ANKRD46: variants seen among roughly 807,000 people sequenced by gnomAD.
ANKRD46 encodes ankyrin repeat domain 46.
Under a neutral mutation model 19.8 loss-of-function variants are expected in ANKRD46, and 13 were observed. The observed-to-expected ratio is 0.66, with a 90% confidence interval of 0.43 to 1.04. The LOEUF (loss-of-function observed/expected upper bound fraction) is 1.04, where lower values mean the gene tolerates loss of function less well. ANKRD46 is among the 50% of genes least tolerant of loss of function. The pLI, the probability that ANKRD46 is intolerant of heterozygous loss-of-function variation, is 0.00. For synonymous variants in ANKRD46, 91 were observed against 106.9 expected (o/e 0.85, Z 0.92); for missense variants, 185 against 274.8 (o/e 0.67, Z 2.31).
chr8:100,510,697 G>T lies in ANKRD46; in HGVS notation c.637-58C>A. 1 of 1,422,282 alleles carries T rather than the reference G, an allele frequency of 7.0e-7. No homozygotes were observed. The highest frequency in any genetic ancestry group is 9.5e-7 in the Non-Finnish European group (1 of 1,051,610). The allele number at this position is 1,422,282 out of a possible 1,614,324, so 88.1% of individuals were successfully genotyped here. A position where few individuals can be genotyped will look rare whatever the true frequency, so the allele number is the denominator to read the frequency against. On this transcript the variant is annotated intron_variant, in intron 5 of 5. Transcript: ENST00000520552. This position sits in a 1 kb window ranked among gnomAD's most constrained non-coding sequence, Gnocchi z 4.9. ...AAAAAAATCCCAGTTCTGTTAAGCT[G>T]CAGAGATGTGCCAGGACCAGATACA...
chr8:100,521,824 T>G lies in ANKRD46; in HGVS notation c.*731A>C. 1.0e-6 allele frequency: 1 copy of G among 985,296 alleles called. No individual in the cohort carries two copies. Among genetic ancestry groups the G allele is most frequent in the Middle Eastern group, 5.2e-4 (1 of 1,912 alleles). 61.0% of individuals were successfully genotyped at this position (985,296 alleles called of 1,614,324 possible). A position where few individuals can be genotyped will look rare whatever the true frequency, so the allele number is the denominator to read the frequency against. The stretch of plus-strand genomic sequence containing the variant: ...CTGATGAACTGTTATCTTTGATGAC[T>G]AGGATACTCGGGAAAATTGGAAAGT... On this transcript the variant is annotated 3_prime_UTR_variant, in exon 5 of 5. Transcript: ENST00000335659.
rs1440286303 is a variant in ANKRD46, at chr8:100,511,215, T to C, written c.637-576A>G. Reference sequence around the variant, plus strand: ...GTCAGGAATATCCCCATTGAACAGATGGTGTACCTAAGGCTAGGGGAGCAG... The same window carrying C: ...GTCAGGAATATCCCCATTGAACAGACGGTGTACCTAAGGCTAGGGGAGCAG... On this transcript the variant is annotated intron_variant, in intron 5 of 5. Transcript: ENST00000520552. The surrounding 1 kb of genome is among the most constrained non-coding windows in gnomAD (Gnocchi z 4.1). Among the ~76,000 whole-genome samples the C allele has an allele frequency of 6.6e-6, 1 of 152,168 alleles. No individual in the cohort carries two copies. Among genetic ancestry groups the C allele is most frequent in the Non-Finnish European group, 1.5e-5 (1 of 68,020 alleles).
chr8:100,514,199 T>C (rs1449539507), intron 5 of ANKRD46, among the ~76,000 whole-genome samples: 1 of 152,124 alleles, frequency 6.6e-6, no homozygotes, highest in African/African-American at 2.4e-5. Flanking sequence ...TAGGGACACA[T>C]AAAAACACAA....
At chr8:100,530,389 A>AT (rs11397608) in intron 2 of ANKRD46, among the ~76,000 whole-genome samples, 115,082 of 149,336 alleles carry the variant, frequency 0.77, 44,761 homozygotes, top group Middle Eastern at 0.84. Flanking sequence ...TTATAGCACA[A>AT]TTTTTTTTTT....
rs1811712395 is a variant in ANKRD46 at position 100,520,915 on chromosome 8, G to A, written c.*1640C>T. ...ACATTTTGACCAATTTTGCATATTTGTTTAGATTTACAAACAAATGTAAAG... is the reference window on the plus strand; with the variant it reads ...ACATTTTGACCAATTTTGCATATTTATTTAGATTTACAAACAAATGTAAAG... On this transcript the variant is annotated 3_prime_UTR_variant, in exon 5 of 5. Coordinates refer to ENST00000335659, the MANE Select transcript of ANKRD46 (RefSeq NM_001270377.2). 27 of 984,540 alleles carry A rather than the reference G, an allele frequency of 2.7e-5. No homozygotes were observed. The highest frequency in any genetic ancestry group is 3.3e-5 in the Non-Finnish European group (27 of 829,378). The allele number at this position is 984,540 out of a possible 1,614,324, so 61.0% of individuals were successfully genotyped here.
In ANKRD46 at chr8:100,534,319, C is replaced by T. The variant is rs1355111452; in HGVS notation, c.-130-1008G>A. Among the ~76,000 whole-genome samples, 1 of 152,234 alleles carries T rather than the reference C, an allele frequency of 6.6e-6. No individual in the cohort carries two copies. The highest frequency in any genetic ancestry group is 2.4e-5 in the African/African-American group (1 of 41,458). On this transcript the variant is annotated intron_variant, in intron 1 of 4. Coordinates refer to ENST00000335659, the MANE Select transcript of ANKRD46 (RefSeq NM_001270377.2). The surrounding 1 kb of genome is among the most constrained non-coding windows in gnomAD (Gnocchi z 4.2). ...GGAACTGATGACAATAGCTGACAAA[C>T]TGTACCTGAGGACCAGTCCCACACG...
rs142075474 is a variant in ANKRD46, at chr8:100,530,114, G to C, written c.-27-254C>G. 1.1e-4 allele frequency among the ~76,000 whole-genome samples: 17 copies of C among 152,226 alleles called. No homozygotes were observed. The East Asian group carries it at 3.3e-3, about 29-fold the overall frequency. ...TATTTTGCTTTTCACCATGTAAAAAGATTAAGAGATATTTTTAAAGTTAAG... is the reference window on the plus strand; with the variant it reads ...TATTTTGCTTTTCACCATGTAAAAACATTAAGAGATATTTTTAAAGTTAAG... On this transcript the variant is annotated intron_variant, in intron 2 of 4. Coordinates refer to ENST00000335659, the MANE Select transcript of ANKRD46 (RefSeq NM_001270377.2).
chr8:100,514,337 T>C (rs1811593953), intron 5 of ANKRD46, among the ~76,000 whole-genome samples: 3 of 152,160 alleles, frequency 2.0e-5, no homozygotes, highest in Non-Finnish European at 2.9e-5. Flanking sequence ...CAAACATTAA[T>C]TTGTAATGAT....
chr8:100,547,323 G>A (rs1460160420), intron 1 of ANKRD46, among the ~76,000 whole-genome samples: 4 of 152,110 alleles, frequency 2.6e-5, no homozygotes, highest in Admixed American at 6.5e-5. Flanking sequence ...TACTGAAGGA[G>A]TTCTCATGAG....
chr8:100,553,127 T>C (rs905219563), intron 1 of ANKRD46, among the ~76,000 whole-genome samples: 1 of 152,244 alleles, frequency 6.6e-6, no homozygotes, highest in Non-Finnish European at 1.5e-5. Context: ...TGGTAAATTC[T>C]AGAACTGACC....
Position 100,543,310 on chromosome 8 carries a change from T to C in ANKRD46, c.-130-9999A>G, listed in dbSNP as rs1250993264. ...ACAAACCTTATTTTCGTTTTAATTC[T>C]TATTCTCAATCTCAAAACCATTTAA... On this transcript the variant is annotated intron_variant, in intron 1 of 4. Coordinates refer to ENST00000335659, the MANE Select transcript of ANKRD46 (RefSeq NM_001270377.2). This position sits in a 1 kb window ranked among gnomAD's most constrained non-coding sequence, Gnocchi z 4.2. Among the ~76,000 whole-genome samples, 2 of 152,260 alleles carry C rather than the reference T, an allele frequency of 1.3e-5. No individual in the cohort carries two copies. The highest frequency in any genetic ancestry group is 4.8e-5 in the African/African-American group (2 of 41,472).
At chr8:100,528,345 A>G (rs944602721) in intron 3 of ANKRD46, among the ~76,000 whole-genome samples, 1 of 152,226 alleles carries the variant, frequency 6.6e-6, no homozygotes. Context: ...AGATTATGGT[A>G]GAAGTAATAG....
rs1170896228 is a variant in ANKRD46 at position 100,546,470 on chromosome 8, C to T, written c.-130-13159G>A. On this transcript the variant is annotated intron_variant, in intron 1 of 4. Transcript: ENST00000335659. This position sits in a 1 kb window ranked among gnomAD's most constrained non-coding sequence, Gnocchi z 4.0. ...ATGTGGTGTTGGGCCTGTAGGTGTG[C>T]AGAAGACAGGAGTTGAGCTTTGGGA... Among the ~76,000 whole-genome samples, 1 of 152,234 alleles carries T rather than the reference C, an allele frequency of 6.6e-6. No homozygotes were observed. Among genetic ancestry groups the T allele is most frequent in the Non-Finnish European group, 1.5e-5 (1 of 68,042 alleles).
chr8:100,531,751 C>G (rs779254254), intron 2 of ANKRD46, among the ~76,000 whole-genome samples: 21 of 152,220 alleles, frequency 1.4e-4, no homozygotes, highest in South Asian at 8.3e-4. Context: ...TCAAGCAATC[C>G]TCCCACATCA....
rs967436778 is a variant in ANKRD46, at chr8:100,522,218, A to T, written c.*337T>A. 38 of 1,065,494 alleles carry T rather than the reference A, an allele frequency of 3.6e-5. No homozygotes were observed. The highest frequency in any genetic ancestry group is 4.3e-5 in the Non-Finnish European group (38 of 879,082). The allele number at this position is 1,065,494 out of a possible 1,614,324, so 66.0% of individuals were successfully genotyped here. ...TTTTGAATACTTCAATTGGTCCTAT[A>T]TTAGGATAAGGTTTTGATAGCAAGG... On this transcript the variant is annotated 3_prime_UTR_variant, in exon 5 of 5. Coordinates refer to ENST00000335659, the MANE Select transcript of ANKRD46 (RefSeq NM_001270377.2).
chr8:100,511,992 T>C lies in ANKRD46; in HGVS notation c.637-1353A>G, dbSNP rs975616708. Among the ~76,000 whole-genome samples, 4 of 152,194 alleles carry C rather than the reference T, an allele frequency of 2.6e-5. No individual in the cohort carries two copies. Among genetic ancestry groups the C allele is most frequent in the African/African-American group, 9.7e-5 (4 of 41,436 alleles). On this transcript the variant is annotated intron_variant, in intron 5 of 5. Transcript: ENST00000520552. This position sits in a 1 kb window ranked among gnomAD's most constrained non-coding sequence, Gnocchi z 4.1. The stretch of plus-strand genomic sequence containing the variant: ...GTGAGCCGAGATTGTGCCACTGCAC[T>C]TCAGCCTGGGTGACACAGTGAGACT...
chr8:100,525,437 T>G lies in ANKRD46; in HGVS notation c.470+2408A>C, dbSNP rs989591413. Among the ~76,000 whole-genome samples the G allele has an allele frequency of 1.2e-4, 18 of 152,206 alleles. No homozygotes were observed. Among genetic ancestry groups the G allele is most frequent in the African/African-American group, 4.1e-4 (17 of 41,460 alleles). On this transcript the variant is annotated intron_variant, in intron 4 of 4. Coordinates refer to ENST00000335659, the MANE Select transcript of ANKRD46 (RefSeq NM_001270377.2). The surrounding 1 kb of genome is among the most constrained non-coding windows in gnomAD (Gnocchi z 4.4). ...CCCCTTCTCCCAGCTTCTAGTCTAC[T>G]TTCTCATCTACTTTCTGTCTCTATG...
In ANKRD46 at chr8:100,522,227, AG is replaced by A; in HGVS notation, c.*327del. ...CTTCAATTGGTCCTATATTAGGATAAGGTTTTGATAGCAAGGACTTCCTAGC... is the reference window on the plus strand; with the variant it reads ...CTTCAATTGGTCCTATATTAGGATAAGTTTTGATAGCAAGGACTTCCTAGC... On this transcript the variant is annotated 3_prime_UTR_variant, in exon 5 of 5. Transcript: ENST00000335659. The A allele has an allele frequency of 9.2e-7, 1 of 1,085,264 alleles. No homozygotes were observed. The highest frequency in any genetic ancestry group is 1.1e-6 in the Non-Finnish European group (1 of 891,360). 67.2% of individuals were successfully genotyped at this position (1,085,264 alleles called of 1,614,324 possible).
At chr8:100,558,867 T>C (rs1373462016) in intron 1 of ANKRD46, among the ~76,000 whole-genome samples, 4 of 152,140 alleles carry the variant, frequency 2.6e-5, no homozygotes, top group African/African-American at 9.7e-5. Flanking sequence ...GTACCAGGTA[T>C]TTAAAGCAAT....
Sources: allele counts gnomAD v4.1 joint callset (sites outside exome capture counted in the v4.1 genomes callset), GRCh38; gene constraint gnomAD v4.1.1; non-coding constraint Gnocchi (gnomAD v3.1); transcripts MANE v1.5; gene names NCBI Gene and HGNC (gene_info 2026-07-23, HGNC 2026-07-21).